The following TELO2 variants were observed in gnomAD, a reference collection of about 807,000 sequenced individuals.
TELO2 encodes telomere length regulation protein TEL2 homolog.
TELO2 carries 71 observed loss-of-function variants against 91.0 expected under a neutral mutation model. The observed-to-expected ratio is 0.78, with a 90% CI of 0.64 to 0.95. The LOEUF is 0.95. Ranked by LOEUF, TELO2 falls within the 40% of genes least tolerant of loss-of-function variation. TELO2 has a pLI of 0.00. For missense variants in TELO2, 1,183 were observed against 1,141.3 expected (o/e 1.04, Z -0.53); for synonymous variants, 584 against 518.9 (o/e 1.13, Z -1.71).
Position 1,497,072 on chromosome 16 carries a change from T to G in TELO2, c.650T>G (p.Val217Gly). ...LDSSVSFVSQ[V>G]LGKACVHGRQ... is the part of the protein sequence containing the mutation. Reference sequence around the variant, plus strand: ...TCCTCCGTGTCCTTCGTGTCTCAGGTCCTTGGGAAAGCCTGTGTCCACGGG... The same window carrying G: ...TCCTCCGTGTCCTTCGTGTCTCAGGGCCTTGGGAAAGCCTGTGTCCACGGG... Residue 217 changes from valine to glycine, a missense_variant, in exon 4 of 21, where the codon GTC becomes GGC. Val to Gly is a moderately radical substitution (Grantham distance 109, BLOSUM62 -3). Coordinates refer to ENST00000262319, the MANE Select transcript of TELO2 (RefSeq NM_016111.4). The surrounding 1 kb of genome is among the most constrained non-coding windows in gnomAD (Gnocchi z 4.0). 1.2e-6 allele frequency: 2 copies of G among 1,614,060 alleles called. No individual in the cohort carries two copies. The highest frequency in any genetic ancestry group is 1.7e-6 in the Non-Finnish European group (2 of 1,179,990).
At chr16:1,496,923 T>G in intron 3 of TELO2, 113 bp from the exon 4 acceptor site, 11 of 1,034,442 alleles carry the variant, frequency 1.1e-5, no homozygotes, top group East Asian at 2.6e-5. Context: ...TTGTTTTGAG[T>G]GAGTTTTGCT....
chr16:1,499,264 G>C lies in TELO2; in HGVS notation c.864G>C (p.Leu288=), dbSNP rs767967393. The C allele has an allele frequency of 3.3e-5, 53 of 1,613,952 alleles. No homozygotes were observed. The highest frequency in any genetic ancestry group is 4.2e-5 in the Non-Finnish European group (49 of 1,180,014). ...PEVLSRLLGN[L]VVKNKKAQFV... ...TCCTTTCGAGACTGCTGGGGAACCT[G>C]GTGGTGAAGAACAAGAAGGCCCAGT... Residue 288 remains leucine, a synonymous_variant, in exon 6 of 21, where the codon CTG becomes CTC. Transcript: ENST00000262319.
intron 20 of TELO2, among the ~76,000 whole-genome samples, chr16:1,508,980 G>T (rs1040111788): frequency 6.8e-6 from 1 of 146,468 alleles, no homozygotes; most frequent in Non-Finnish European, 1.5e-5. Flanking sequence ...TGGAGCTGCT[G>T]CCCAACCCCT....
intron 20 of TELO2, among the ~76,000 whole-genome samples, 157 bp downstream of exon 20, chr16:1,507,873 T>TGATGTGTGTCGGCCCGGG (rs2039967045): frequency 1.2e-5 from 1 of 83,450 alleles, no homozygotes; most frequent in African/African-American, 7.2e-5. Context: ...TGTGTGTGTG[T>TGATGTGTGTCGGCCCGGG]GTGTGTGTGT....
chr16:1,508,020 C>G (rs904472060), intron 20 of TELO2, among the ~76,000 whole-genome samples: 5 of 148,462 alleles, frequency 3.4e-5, no homozygotes, highest in African/African-American at 1.0e-4. Flanking sequence ...GCAGCCACCC[C>G]AGCACTGGCC....
chr16:1,496,972 A>G, intron 3 of TELO2, 64 bp from the exon 4 acceptor site: 1 of 1,536,898 alleles, frequency 6.5e-7, no homozygotes, highest in Non-Finnish European at 8.9e-7. Flanking sequence ...AGCTCTCCCC[A>G]CACCTAGATG....
chr16:1,509,776 G>T, intron 20 of TELO2, 54 bp from the exon 21 acceptor site: 5 of 1,505,320 alleles, frequency 3.3e-6, no homozygotes, highest in Middle Eastern at 1.7e-4. Context: ...ACAGGAGGAG[G>T]GAGAATACGC....
intron 17 of TELO2, chr16:1,506,611 C>T: frequency 2.9e-6 from 4 of 1,390,928 alleles, no homozygotes; most frequent in Non-Finnish European, 3.7e-6. Flanking sequence ...ACCTGCTGGG[C>T]CCTGCTCGCC....
intron 11 of TELO2, 71 bp downstream of exon 11, chr16:1,501,844 C>T (rs1346916518): frequency 1.4e-5 from 22 of 1,521,038 alleles, no homozygotes; most frequent in African/African-American, 8.2e-5. Flanking sequence ...CTCCAAGCTG[C>T]GGCCCCGTGG....
intron 17 of TELO2, 193 bp from the exon 18 acceptor site, chr16:1,506,759 A>G: frequency 7.1e-7 from 1 of 1,403,928 alleles, no homozygotes; most frequent in Non-Finnish European, 9.3e-7. Flanking sequence ...GCCCAGGTGG[A>G]CTTGTGCCAG....
intron 20 of TELO2, among the ~76,000 whole-genome samples, chr16:1,509,335 GC>G (rs1307018772): frequency 1.3e-5 from 2 of 152,124 alleles, no homozygotes; most frequent in African/African-American, 2.4e-5. Context: ...GGCCAGCAGA[GC>G]CCCCCCAAGG....
intron 3 of TELO2, 137 bp downstream of exon 3, chr16:1,495,760 G>A: frequency 1.6e-6 from 2 of 1,251,892 alleles, no homozygotes; most frequent in Non-Finnish European, 2.2e-6. Flanking sequence ...GGATGTCCCT[G>A]TCCCGCACAG....
chr16:1,506,834 C>T (rs980957213), intron 17 of TELO2, 118 bp from the exon 18 acceptor site: 15 of 1,434,512 alleles, frequency 1.0e-5, no homozygotes, highest in Middle Eastern at 2.4e-4. Flanking sequence ...GCAGGCAAGG[C>T]GGTGGGCACG....
At chr16:1,507,499 T>A in intron 19 of TELO2, 102 bp from the exon 20 acceptor site, 6 of 1,491,720 alleles carry the variant, frequency 4.0e-6, no homozygotes, top group Non-Finnish European at 5.4e-6. Context: ...ATAGGAAGTG[T>A]GCCAGGCAGG....
chr16:1,496,207 C>T (rs28655879), intron 3 of TELO2, among the ~76,000 whole-genome samples: 29,865 of 152,232 alleles, frequency 0.2, 3,157 homozygotes, highest in Middle Eastern at 0.3. Context: ...ACTCCACCCT[C>T]CACATGCTGC....
rs2039871569 is a variant in TELO2 at position 1,505,744 on chromosome 16, C to CAGG, written c.2034+144_2034+146dup. On this transcript the variant is annotated intron_variant, in intron 16 of 20. Coordinates refer to ENST00000262319, the MANE Select transcript of TELO2 (RefSeq NM_016111.4). This position sits in a 1 kb window ranked among gnomAD's most constrained non-coding sequence, Gnocchi z 4.3. ...TGCCTTTGCCGGGATTCCTGAAAGG[C>CAGG]AGGGTCCATGGTTTGCACCGAGGAA... 1.7e-6 allele frequency: 2 copies of CAGG among 1,158,014 alleles called. No individual in the cohort carries two copies. Among genetic ancestry groups the CAGG allele is most frequent in the Non-Finnish European group, 2.4e-6 (2 of 837,192 alleles). 71.7% of individuals were successfully genotyped at this position (1,158,014 alleles called of 1,614,324 possible).
chr16:1,495,770 G>A (rs2039469269), intron 3 of TELO2, 147 bp downstream of exon 3: 1 of 1,191,174 alleles, frequency 8.4e-7, no homozygotes, highest in Non-Finnish European at 1.1e-6. Flanking sequence ...GTCCCGCACA[G>A]TAGTGACCGG....
chr16:1,508,767 G>A (rs1004306262), intron 20 of TELO2, among the ~76,000 whole-genome samples: 3 of 152,146 alleles, frequency 2.0e-5, no homozygotes, highest in African/African-American at 7.2e-5. Flanking sequence ...CCCGGGGACG[G>A]GCTGAAGAGC....
In TELO2 at chr16:1,497,490, T is replaced by C; in HGVS notation, c.812T>C (p.Leu271Pro). 6.4e-7 allele frequency: 1 copy of C among 1,572,072 alleles called. No individual in the cohort carries two copies. Among genetic ancestry groups the C allele is most frequent in the Non-Finnish European group, 8.6e-7 (1 of 1,161,902 alleles). The change falls in exon 5 of 21, where the codon CTG (leucine) becomes CCG (proline). Residue 271 changes from leucine to proline, a missense_variant. Transcript: ENST00000262319. The surrounding 1 kb of genome is among the most constrained non-coding windows in gnomAD (Gnocchi z 4.0). ...GCCATGGAGGCTGTGCTGACCGGGC[T>C]GGTGGAGGCCGCACTGGGGTAAGCA... ...DRAMEAVLTGLVEAALGPEVL... is the reference protein window; with the variant it reads ...DRAMEAVLTGPVEAALGPEVL...
Sources: allele counts gnomAD v4.1 joint callset (sites outside exome capture counted in the v4.1 genomes callset), GRCh38; gene constraint gnomAD v4.1.1; non-coding constraint Gnocchi (gnomAD v3.1); transcripts MANE v1.5; gene names NCBI Gene and HGNC (gene_info 2026-07-23, HGNC 2026-07-21).